PBX3: variants seen among roughly 807,000 people sequenced by gnomAD.
PBX3 encodes the protein PBX homeobox 3, also known as pre-B-cell leukemia transcription factor 3.
A neutral mutation model predicts 48.5 loss-of-function variants in PBX3; 14 were observed. That is an observed-to-expected ratio of 0.29 (90% CI 0.19 to 0.45). The LOEUF is 0.45. PBX3 is among the 20% of genes least tolerant of loss of function. The probability of loss-of-function intolerance (pLI) is 1.00; values close to 1 mark genes in which losing one functional copy is unlikely to be tolerated. For synonymous variants in PBX3, 210 were observed against 200.3 expected (o/e 1.05, Z -0.41); for missense variants, 386 against 546.7 (o/e 0.71, Z 2.93).
intron 5 of PBX3, among the ~76,000 whole-genome samples, chr9:125,957,871 C>T (rs977382132): frequency 2.6e-5 from 4 of 152,164 alleles, no homozygotes; most frequent in Non-Finnish European, 5.9e-5. Flanking sequence ...TAAGGCCTGA[C>T]AGTCTTAGTC....
intron 2 of PBX3, among the ~76,000 whole-genome samples, chr9:125,830,930 A>G (rs1838944030): frequency 6.6e-6 from 1 of 152,166 alleles, no homozygotes. Flanking sequence ...TAGAGGGTAC[A>G]ATGAACTCCT....
intron 2 of PBX3, among the ~76,000 whole-genome samples, chr9:125,812,382 T>C (rs1395575051): frequency 1.3e-5 from 2 of 152,242 alleles, no homozygotes; most frequent in Non-Finnish European, 2.9e-5. Context: ...CATATTTTCT[T>C]CAGATTTTTA....
At chr9:125,957,032 C>A (rs1025544873) in intron 5 of PBX3, among the ~76,000 whole-genome samples, 1 of 152,136 alleles carries the variant, frequency 6.6e-6, no homozygotes, top group Non-Finnish European at 1.5e-5. Flanking sequence ...AAAAAAAAAT[C>A]CTGAATTTAG....
chr9:125,815,610 G>A (rs10819075), intron 2 of PBX3, among the ~76,000 whole-genome samples: 8,975 of 151,916 alleles, frequency 0.059, 607 homozygotes, highest in East Asian at 0.17. Context: ...TTTAACTGTT[G>A]TACTTTTGAT....
intron 2 of PBX3, among the ~76,000 whole-genome samples, chr9:125,773,969 C>A (rs756374897): frequency 4.6e-5 from 7 of 152,124 alleles, no homozygotes; most frequent in Non-Finnish European, 1.0e-4. Flanking sequence ...ACATTTTCAT[C>A]CCCTCTAAAG....
At chr9:125,907,499 A>G (rs894215365) in intron 2 of PBX3, among the ~76,000 whole-genome samples, 4 of 151,954 alleles carry the variant, frequency 2.6e-5, no homozygotes, top group African/African-American at 9.7e-5. Context: ...AGTGAATACC[A>G]CTGTTATTTT....
In PBX3 at chr9:125,835,051, A is replaced by AAAAAAAAAAAAAAAAAAAAAAAT. The variant is rs1564681272; in HGVS notation, c.275-80635_275-80634insAAAAAAAAAAAAAAAAAAAAAAT. 1.9e-5 allele frequency among the ~76,000 whole-genome samples: 2 copies of AAAAAAAAAAAAAAAAAAAAAAAT among 108,002 alleles called. 1 individual carries two copies. The highest frequency in any genetic ancestry group is 7.6e-5 in the African/African-American group (2 of 26,310). 70.9% of individuals were successfully genotyped at this position (108,002 alleles called of 152,430 possible). On this transcript the variant is annotated intron_variant, in intron 2 of 8. Transcript: ENST00000373489. ...AAAAAAAAAAAAAAAAAAAAAAAAA[A>AAAAAAAAAAAAAAAAAAAAAAAT]GGGCAAAAGATATGAAAAGACAAGT...
intron 2 of PBX3, among the ~76,000 whole-genome samples, chr9:125,809,856 A>G (rs865938250): frequency 2.6e-5 from 4 of 152,218 alleles, no homozygotes; most frequent in Admixed American, 6.5e-5. Context: ...GCAACCTGGT[A>G]GAAAAATGAA....
intron 2 of PBX3, among the ~76,000 whole-genome samples, chr9:125,845,417 A>C (rs1368383403): frequency 3.9e-5 from 6 of 152,164 alleles, no homozygotes; most frequent in Non-Finnish European, 7.4e-5. Flanking sequence ...CATTCATTTT[A>C]TAACCATCAA....
intron 2 of PBX3, among the ~76,000 whole-genome samples, chr9:125,862,411 G>A (rs929297034): frequency 3.3e-5 from 5 of 152,088 alleles, no homozygotes; most frequent in South Asian, 2.1e-4. Context: ...TGTTTGAGAC[G>A]GAGTTTCACT....
At chr9:125,847,618 T>C (rs1167886891) in intron 2 of PBX3, among the ~76,000 whole-genome samples, 1 of 152,012 alleles carries the variant, frequency 6.6e-6, no homozygotes, top group Admixed American at 6.6e-5. Flanking sequence ...CAAATATTTA[T>C]ATTATATAAT....
chr9:125,797,656 A>G (rs1413657432), intron 2 of PBX3, among the ~76,000 whole-genome samples: 1 of 152,172 alleles, frequency 6.6e-6, no homozygotes, highest in East Asian at 1.9e-4. Context: ...ATCATTTCAT[A>G]TAGTTACCCA....
chr9:125,779,918 G>A (rs1227855302), intron 2 of PBX3, among the ~76,000 whole-genome samples: 1 of 124,578 alleles, frequency 8.0e-6, no homozygotes, highest in African/African-American at 3.1e-5. Context: ...CCCGGACGGG[G>A]CGTCTGGCCG....
chr9:125,779,994 C>T (rs1403997743), intron 2 of PBX3, among the ~76,000 whole-genome samples: 7 of 143,656 alleles, frequency 4.9e-5, no homozygotes, highest in African/African-American at 1.3e-4. Context: ...GGGCTCCTCA[C>T]TTCCCAGTAG....
intron 2 of PBX3, among the ~76,000 whole-genome samples, chr9:125,815,226 G>A (rs1838422335): frequency 6.6e-6 from 1 of 152,084 alleles, no homozygotes; most frequent in Admixed American, 6.5e-5. Flanking sequence ...AATTATAAAA[G>A]TACTCTCCTT....
chr9:125,928,392 A>ATGTG (rs112869741), intron 3 of PBX3, among the ~76,000 whole-genome samples: 4,608 of 140,214 alleles, frequency 0.033, 262 homozygotes, highest in African/African-American at 0.12. Flanking sequence ...GGGGAAACAA[A>ATGTG]TGTGTGTGTG....
chr9:125,838,885 T>A (rs1839212731), intron 2 of PBX3, among the ~76,000 whole-genome samples: 1 of 151,352 alleles, frequency 6.6e-6, no homozygotes, highest in African/African-American at 2.4e-5. Flanking sequence ...CTGAAAGGAG[T>A]GGATTTTTGG....
intron 2 of PBX3, among the ~76,000 whole-genome samples, chr9:125,892,368 A>G (rs1279034007): frequency 6.6e-6 from 1 of 152,168 alleles, no homozygotes; most frequent in Non-Finnish European, 1.5e-5. Flanking sequence ...TCTGAGATAA[A>G]TTTCCAAAAT....
At chr9:125,764,553 A>G (rs1412659097) in intron 2 of PBX3, among the ~76,000 whole-genome samples, 1 of 152,248 alleles carries the variant, frequency 6.6e-6, no homozygotes, top group African/African-American at 2.4e-5. Context: ...GGCACAAAGC[A>G]AGAATAAAGA....
Sources: allele counts gnomAD v4.1 joint callset (sites outside exome capture counted in the v4.1 genomes callset), GRCh38; gene constraint gnomAD v4.1.1; transcripts MANE v1.5; gene names NCBI Gene and HGNC (gene_info 2026-07-23, HGNC 2026-07-21).